The following SP140 variants were observed in gnomAD, a reference collection of about 807,000 sequenced individuals.
The protein encoded by SP140 is SP140 nuclear body protein.
In SP140, 81 loss-of-function variants were observed where a neutral mutation model predicts 125.0. The observed-to-expected ratio is 0.65, with a 90% CI of 0.54 to 0.78. SP140 has a LOEUF of 0.78. Among genes scored for constraint, SP140 ranks in the 30% least tolerant of loss-of-function variants. The probability of loss-of-function intolerance (pLI) is 0.00; values close to 1 mark genes in which losing one functional copy is unlikely to be tolerated. For missense variants in SP140, 858 were observed against 1,037.0 expected (o/e 0.83, Z 2.37); for synonymous variants, 312 against 354.0 (o/e 0.88, Z 1.33).
chr2:230,243,263 T>C (rs1004277256), intron 4 of SP140, among the ~76,000 whole-genome samples: 12 of 152,160 alleles, frequency 7.9e-5, no homozygotes, highest in Non-Finnish European at 1.8e-4. Flanking sequence ...TAAATCCTAC[T>C]TAGAATATAT....
the SP140 span, among the ~76,000 whole-genome samples, chr2:230,194,107 A>C: frequency 2.0e-5 from 3 of 152,186 alleles, no homozygotes; most frequent in East Asian, 3.9e-4. Flanking sequence ...TCTAGGCCAA[A>C]CCCCAAGATT....
intron 12 of SP140, among the ~76,000 whole-genome samples, chr2:230,260,952 A>C (rs988758615): frequency 4.6e-5 from 7 of 151,916 alleles, no homozygotes; most frequent in Non-Finnish European, 1.0e-4. Context: ...TGAATTTTAG[A>C]GGTGTTTTTT....
At chr2:230,215,156 A>T in intron 3 of SP140, 1 of 1,499,148 alleles carries the variant, frequency 6.7e-7, no homozygotes, top group Non-Finnish European at 9.3e-7. Context: ...AAATGACTAT[A>T]AAATTGAATG....
intron 14 of SP140, among the ~76,000 whole-genome samples, chr2:230,270,292 A>G (rs562412282): frequency 1.8e-4 from 27 of 152,282 alleles, no homozygotes; most frequent in African/African-American, 6.0e-4. Context: ...TCACTTTGCT[A>G]CAACTTAGAA....
intron 1 of SP140, among the ~76,000 whole-genome samples, chr2:230,236,460 T>C (rs2048027249): frequency 1.3e-5 from 2 of 152,220 alleles, no homozygotes; most frequent in Non-Finnish European, 2.9e-5. Context: ...TTATAAGGAA[T>C]TGGCTCTTGC....
intron 12 of SP140, 99 bp downstream of exon 12, chr2:230,255,631 C>T (rs2051071644): frequency 9.7e-7 from 1 of 1,030,400 alleles, no homozygotes; most frequent in Non-Finnish European, 1.5e-6. Flanking sequence ...CTGCATATAC[C>T]TCACAGTGAA....
chr2:230,214,998 GGT>G, intron 3 of SP140: 1 of 1,613,960 alleles, frequency 6.2e-7, no homozygotes, highest in Non-Finnish European at 8.5e-7. Flanking sequence ...TATTCACGCA[GGT>G]TAATTTGACT....
the SP140 span, among the ~76,000 whole-genome samples, chr2:230,189,129 A>G: frequency 6.6e-6 from 1 of 151,696 alleles, no homozygotes; most frequent in Non-Finnish European, 1.5e-5. Flanking sequence ...TGTTCTATCA[A>G]TTTTGTTTAT....
rs78040420 is a variant in SP140 at position 230,293,926 on chromosome 2, G to T, written c.1969-345G>T. 7.8e-3 allele frequency among the ~76,000 whole-genome samples: 1,181 copies of T among 152,304 alleles called. 10 individuals carry two copies. The highest frequency in any genetic ancestry group is 0.027 in the African/African-American group (1,115 of 41,574). ...TGATACCCAGTAGCAGGCAATGTGT[G>T]TGCTGCTTGGATAGCTCTGGTGTAA... On this transcript the variant is annotated intron_variant, in intron 20 of 26. Coordinates refer to ENST00000392045, the MANE Select transcript of SP140 (RefSeq NM_007237.5).
intron 5 of SP140, among the ~76,000 whole-genome samples, chr2:230,244,430 T>A (rs1350976431): frequency 1.3e-5 from 2 of 152,200 alleles, no homozygotes; most frequent in Non-Finnish European, 1.5e-5. Flanking sequence ...GTTGTGTGAA[T>A]TTGGCAGAGA....
At chr2:230,267,046 C>A (rs1036166163) in intron 12 of SP140, among the ~76,000 whole-genome samples, 2 of 152,168 alleles carry the variant, frequency 1.3e-5, no homozygotes, top group African/African-American at 4.8e-5. Context: ...TTCTGCCTAT[C>A]GTCAAGGAAA....
chr2:230,200,185 G>A (rs1326354932), upstream of SP140, among the ~76,000 whole-genome samples: 2 of 152,042 alleles, frequency 1.3e-5, no homozygotes, highest in African/African-American at 4.8e-5. Context: ...TTAGATATTT[G>A]TTGTTTGAAA....
At chr2:230,195,344 AG>A in the SP140 span, among the ~76,000 whole-genome samples, 5 of 152,234 alleles carry the variant, frequency 3.3e-5, no homozygotes, top group Non-Finnish European at 2.9e-5. Context: ...TCATTTAAAA[AG>A]TTTTTTGGGG....
At position 230,241,735 on chromosome 2, in the gene SP140, T is replaced by C. The variant is rs2048759167; in HGVS notation, c.490+248T>C. Among the ~76,000 whole-genome samples the C allele has an allele frequency of 1.3e-5, 2 of 152,118 alleles. 1 individual carries two copies. ...ATATAAGAAGAGAAAATGGGAAAGGTAGACAGAGAATAATACAGGACAAAT... is the reference window on the plus strand; with the variant it reads ...ATATAAGAAGAGAAAATGGGAAAGGCAGACAGAGAATAATACAGGACAAAT... On this transcript the variant is annotated intron_variant, in intron 4 of 26. Transcript: ENST00000392045.
chr2:230,190,271 T>C, the SP140 span, among the ~76,000 whole-genome samples: 360 of 152,344 alleles, frequency 2.4e-3, 2 homozygotes, highest in African/African-American at 8.3e-3. Context: ...TGGTCTCTCA[T>C]TGCAGTTTTG....
the SP140 span, among the ~76,000 whole-genome samples, chr2:230,195,975 CA>C: frequency 6.6e-6 from 1 of 151,954 alleles, no homozygotes; most frequent in Non-Finnish European, 1.5e-5. Flanking sequence ...ATGAAGATGA[CA>C]AATTTATTTA....
At chr2:230,227,011 A>T (rs2149021170) in intron 1 of SP140, among the ~76,000 whole-genome samples, 1 of 152,334 alleles carries the variant, frequency 6.6e-6, no homozygotes, top group Middle Eastern at 3.4e-3. Context: ...TGCATAGGTT[A>T]TATGTAAATA....
Position 230,309,941 on chromosome 2 carries a change from G to T in SP140, c.2076G>T (p.Glu692Asp). Residue 692 changes from glutamate to aspartate, a missense_variant, in exon 23 of 27, where the codon GAG (glutamate) becomes GAT (aspartate). Around this residue, in one of 4 missense-constraint regions of SP140, gnomAD observed 791 missense variants for 869.5 expected, o/e 0.91. Transcript: ENST00000392045. ...TCTTCTAGATGAGAAACCTGGATGA[G>T]TGTGAGGTGTGCCGGGACGGAGGGG... is the stretch of plus-strand genomic sequence containing the variant. ...SVDPCMRNLDECEVCRDGGEL... is the reference protein window; with the variant it reads ...SVDPCMRNLDDCEVCRDGGEL... The T allele has an allele frequency of 6.2e-7, 1 of 1,614,016 alleles. No individual in the cohort carries two copies. The highest frequency in any genetic ancestry group is 1.1e-5 in the South Asian group (1 of 91,078).
Position 230,269,956 on chromosome 2 carries a change from A to G in SP140, c.1444+3A>G, listed in dbSNP as rs2053670423. 1.0e-5 allele frequency: 16 copies of G among 1,607,486 alleles called. No homozygotes were observed. Among genetic ancestry groups the G allele is most frequent in the African/African-American group, 1.3e-5 (1 of 74,782 alleles). Reference sequence around the variant, plus strand: ...TGATCAAGCGTGTGGCACAATGGGTAAGGCTGTCTGAGGGCCGTGGGATGG... The same window carrying G: ...TGATCAAGCGTGTGGCACAATGGGTGAGGCTGTCTGAGGGCCGTGGGATGG... On this transcript the variant is annotated splice_donor_region_variant and intron_variant, in intron 14 of 26. Coordinates refer to ENST00000392045, the MANE Select transcript of SP140 (RefSeq NM_007237.5).
Sources: allele counts gnomAD v4.1 joint callset (sites outside exome capture counted in the v4.1 genomes callset), GRCh38; gene constraint gnomAD v4.1.1; regional missense constraint gnomAD v4.1.1; transcripts MANE v1.5; gene names NCBI Gene and HGNC (gene_info 2026-07-23, HGNC 2026-07-21).